The following RFX3 variants were observed in gnomAD, a reference collection of about 807,000 sequenced individuals.
RFX3 encodes transcription factor RFX3.
A neutral mutation model predicts 98.6 loss-of-function variants in RFX3; 14 were observed. The ratio of observed to expected loss-of-function variants is 0.14; its 90% CI spans 0.09 to 0.22. The LOEUF (loss-of-function observed/expected upper bound fraction) is 0.22, where lower values mean the gene tolerates loss of function less well. RFX3 is among the 10% of genes least tolerant of loss of function. The pLI is 1.00. For missense variants in RFX3, 639 were observed against 926.9 expected (o/e 0.69, Z 4.03); for synonymous variants, 383 against 328.4 (o/e 1.17, Z -1.80).
intron 2 of RFX3, among the ~76,000 whole-genome samples, chr9:3,379,925 C>T (rs974723600): frequency 1.4e-5 from 2 of 142,336 alleles, no homozygotes; most frequent in African/African-American, 5.3e-5. Flanking sequence ...TATTTATTTA[C>T]TTTAATTTTT....
At chr9:3,424,102 G>A (rs1029153320) in intron 1 of RFX3, among the ~76,000 whole-genome samples, 15 of 150,368 alleles carry the variant, frequency 1.0e-4, no homozygotes, top group South Asian at 4.2e-4. Context: ...AGCTGAGATC[G>A]CGCCACTACA....
intron 1 of RFX3, among the ~76,000 whole-genome samples, chr9:3,419,224 A>G (rs1490188871): frequency 2.0e-5 from 3 of 152,226 alleles, no homozygotes; most frequent in African/African-American, 2.4e-5. Context: ...CACTGCATAC[A>G]TTACCAAAAG....
At chr9:3,517,847 G>C (rs918762044) in intron 1 of RFX3, among the ~76,000 whole-genome samples, 1 of 152,142 alleles carries the variant, frequency 6.6e-6, no homozygotes, top group Non-Finnish European at 1.5e-5. Context: ...GATAATAATA[G>C]ACTATCGGAA....
intron 1 of RFX3, among the ~76,000 whole-genome samples, chr9:3,432,590 A>G (rs1277808545): frequency 6.6e-6 from 1 of 152,206 alleles, no homozygotes; most frequent in Non-Finnish European, 1.5e-5. Flanking sequence ...TGTGGCCAAA[A>G]AAAAGGTAAT....
intron 1 of RFX3, among the ~76,000 whole-genome samples, chr9:3,500,574 A>G (rs192370906): frequency 1.6e-4 from 24 of 152,314 alleles, no homozygotes; most frequent in Non-Finnish European, 3.2e-4. Context: ...TAATTTTACA[A>G]AGAATTAATT....
chr9:3,238,062 G>C (rs151123972), intron 15 of RFX3, among the ~76,000 whole-genome samples: 80 of 152,172 alleles, frequency 5.3e-4, no homozygotes, highest in South Asian at 2.1e-3. Flanking sequence ...AGTTCACAAC[G>C]TGAGGACTGA....
At chr9:3,381,188 A>G (rs948167754) in intron 2 of RFX3, among the ~76,000 whole-genome samples, 1 of 152,040 alleles carries the variant, frequency 6.6e-6, no homozygotes, top group East Asian at 1.9e-4. Context: ...CCTCAAATTC[A>G]AGGAAAAACC....
At chr9:3,245,670 GT>G (rs1340225635) in intron 15 of RFX3, among the ~76,000 whole-genome samples, 1 of 152,186 alleles carries the variant, frequency 6.6e-6, no homozygotes, top group Non-Finnish European at 1.5e-5. Flanking sequence ...AGAGCCATTA[GT>G]TGATACAGCA....
intron 1 of RFX3, among the ~76,000 whole-genome samples, chr9:3,433,007 T>C (rs1040591105): frequency 1.3e-5 from 2 of 152,152 alleles, no homozygotes; most frequent in African/African-American, 2.4e-5. Flanking sequence ...CAAACCCATG[T>C]ATACCTAAAT....
chr9:3,521,657 TATC>T (rs1251360403), intron 1 of RFX3, among the ~76,000 whole-genome samples: 5 of 152,186 alleles, frequency 3.3e-5, no homozygotes, highest in East Asian at 1.9e-4. Context: ...TTAAAAATAT[TATC>T]ATTTTAAAAG....
At chr9:3,525,578 G>C (rs1819201779) in intron 1 of RFX3, among the ~76,000 whole-genome samples, 169 bp downstream of exon 1, 1 of 152,044 alleles carries the variant, frequency 6.6e-6, no homozygotes, top group Admixed American at 6.5e-5. Context: ...ACAAGCCCGG[G>C]GAACAGAGCC....
chr9:3,305,108 T>A (rs1278292114), intron 4 of RFX3, among the ~76,000 whole-genome samples: 1 of 151,986 alleles, frequency 6.6e-6, no homozygotes, highest in Middle Eastern at 3.2e-3. Flanking sequence ...CTAGGAAGAA[T>A]CGACTTAATA....
chr9:3,504,973 T>TAATATAATATATTA (rs1816766061), intron 1 of RFX3, among the ~76,000 whole-genome samples: 1 of 78,820 alleles, frequency 1.3e-5, no homozygotes, highest in Non-Finnish European at 2.2e-5. Flanking sequence ...ATAATATATA[T>TAATATAATATATTA]TATATAATAT....
chr9:3,472,726 T>TCATTTCACACATTCTTC (rs1848882647), intron 1 of RFX3, among the ~76,000 whole-genome samples: 1 of 152,238 alleles, frequency 6.6e-6, no homozygotes, highest in Non-Finnish European at 1.5e-5. Flanking sequence ...ATGATTGAGT[T>TCATTTCACACATTCTTC]ACTGTGTCAG....
intron 1 of RFX3, among the ~76,000 whole-genome samples, chr9:3,462,622 T>A (rs531320626): frequency 6.6e-6 from 1 of 152,070 alleles, no homozygotes; most frequent in Non-Finnish European, 1.5e-5. Context: ...AACAACATGA[T>A]TGTCTATGCA....
intron 7 of RFX3, among the ~76,000 whole-genome samples, chr9:3,282,669 G>T (rs959552102): frequency 2.0e-5 from 3 of 151,718 alleles, no homozygotes; most frequent in African/African-American, 7.3e-5. Context: ...TTTATGGTTA[G>T]CTGTATAGAA....
In RFX3 at chr9:3,257,058, G is replaced by C; in HGVS notation, c.1747C>G (p.Pro583Ala). ...GGAAAACTGGGTCTTCCTTCATAGG[G>C]TTTCAGTGCTTGCATCATCACATTG... ...LDNVMMQALK[P>A]YEGRPSFPKA... Residue 583 changes from proline (P) to alanine (A), a missense_variant, in exon 14 of 17, where the codon CCC (proline) becomes GCC (alanine). By Grantham distance (27) the Pro-to-Ala change is conservative (BLOSUM62 -1). This residue lies in a region of RFX3 where 138 missense variants were observed against 308.9 expected (regional missense o/e 0.45). Transcript: ENST00000617270. 1.9e-6 allele frequency: 3 copies of C among 1,614,010 alleles called. No individual in the cohort carries two copies.
rs564785609 is a variant in RFX3 at position 3,360,397 on chromosome 9, G to A, written c.118-13633C>T. Among the ~76,000 whole-genome samples, 59 of 152,110 alleles carry A rather than the reference G, an allele frequency of 3.9e-4. No homozygotes were observed. The South Asian group carries it at 6.6e-3, about 17-fold the overall frequency. On this transcript the variant is annotated intron_variant, in intron 2 of 16. Coordinates refer to ENST00000617270, the MANE Select transcript of RFX3 (RefSeq NM_001282116.2). ...GAATTAAAATGACCTGACCATATCA[G>A]GTTTAAAATGACCTTGAGTTAATTT...
chr9:3,423,778 C>CATAT (rs61209874), intron 1 of RFX3, among the ~76,000 whole-genome samples: 6,572 of 110,738 alleles, frequency 0.059, 285 homozygotes, highest in East Asian at 0.099. Context: ...TATATATTTT[C>CATAT]ATATATATAT....
Sources: allele counts gnomAD v4.1 joint callset (sites outside exome capture counted in the v4.1 genomes callset), GRCh38; gene constraint gnomAD v4.1.1; regional missense constraint gnomAD v4.1.1; transcripts MANE v1.5; gene names NCBI Gene and HGNC (gene_info 2026-07-23, HGNC 2026-07-21).